Variants in PEPD observed in about 807,000 individuals in gnomAD.
PEPD encodes the protein peptidase D.
PEPD carries 53 observed loss-of-function variants against 60.7 expected under a neutral mutation model. That is an observed-to-expected ratio of 0.87 (90% confidence interval 0.70 to 1.10). The LOEUF (loss-of-function observed/expected upper bound fraction) is 1.10. Ranked by LOEUF, PEPD falls within the 50% of genes least tolerant of loss-of-function variation. The pLI, the probability that PEPD is intolerant of heterozygous loss-of-function variation, is 0.00. For synonymous variants in PEPD, 267 were observed against 284.1 expected (o/e 0.94, Z 0.60); for missense variants, 711 against 711.9 (o/e 1.00, Z 0.01).
intron 10 of PEPD, among the ~76,000 whole-genome samples, chr19:33,413,308 C>T (rs1015189431): frequency 6.6e-5 from 10 of 152,350 alleles, no homozygotes; most frequent in Admixed American, 3.9e-4. Flanking sequence ...CAGCTGGGGA[C>T]AGGAGGGAGG....
chr19:33,514,188 C>A (rs541064409), intron 1 of PEPD, among the ~76,000 whole-genome samples: 14 of 152,192 alleles, frequency 9.2e-5, no homozygotes, highest in African/African-American at 3.1e-4. Context: ...GGAGCCCCTG[C>A]GGCTCTCCAG....
At chr19:33,488,351 T>C (rs533808846) in intron 6 of PEPD, among the ~76,000 whole-genome samples, 7 of 152,146 alleles carry the variant, frequency 4.6e-5, no homozygotes, top group Admixed American at 1.3e-4. Flanking sequence ...AGGTTACACG[T>C]GGAGGAGCTG....
At chr19:33,496,796 A>C (rs549140831) in intron 4 of PEPD, among the ~76,000 whole-genome samples, 1 of 152,376 alleles carries the variant, frequency 6.6e-6, no homozygotes, top group South Asian at 2.1e-4. Context: ...AGAATTCATC[A>C]GAGCCCTGTG....
At chr19:33,467,831 T>C (rs1250408153) in intron 7 of PEPD, among the ~76,000 whole-genome samples, 1 of 152,160 alleles carries the variant, frequency 6.6e-6, no homozygotes, top group Non-Finnish European at 1.5e-5. Flanking sequence ...TTAAAAACCT[T>C]AATGAGGTGC....
chr19:33,505,347 C>G (rs1207180903), intron 3 of PEPD, among the ~76,000 whole-genome samples: 2 of 152,124 alleles, frequency 1.3e-5, no homozygotes, highest in Non-Finnish European at 2.9e-5. Context: ...GACCTCGCCA[C>G]AGTGACGCAG....
At chr19:33,485,234 C>G in intron 6 of PEPD, among the ~76,000 whole-genome samples, 1 of 151,884 alleles carries the variant, frequency 6.6e-6, no homozygotes, top group East Asian at 1.9e-4. Context: ...TGACTCACAC[C>G]TGTAATCCCA....
intron 1 of PEPD, among the ~76,000 whole-genome samples, chr19:33,519,532 A>C (rs1483140620): frequency 1.3e-5 from 2 of 152,126 alleles, no homozygotes; most frequent in Non-Finnish European, 2.9e-5. Context: ...CTAGGAGCTG[A>C]GCTTTGCGGG....
intron 7 of PEPD, among the ~76,000 whole-genome samples, chr19:33,472,054 G>A (rs1169817240): frequency 5.9e-5 from 9 of 152,016 alleles, no homozygotes; most frequent in Admixed American, 2.0e-4. Flanking sequence ...CCAGCTACTC[G>A]GGAGGCTGAG....
intron 9 of PEPD, among the ~76,000 whole-genome samples, chr19:33,443,980 G>GCA (rs3217241): frequency 0.015 from 2,304 of 152,002 alleles, 62 homozygotes; most frequent in African/African-American, 0.05. Context: ...GCGTGCGCGC[G>GCA]CACACACACA....
intron 9 of PEPD, among the ~76,000 whole-genome samples, chr19:33,429,997 G>A (rs139811508): frequency 1.5e-3 from 230 of 152,344 alleles, no homozygotes; most frequent in Non-Finnish European, 2.5e-3. Context: ...TGGGCACACC[G>A]GCACTCATGG....
At chr19:33,482,013 A>G (rs1970320618) in intron 6 of PEPD, among the ~76,000 whole-genome samples, 1 of 151,716 alleles carries the variant, frequency 6.6e-6, no homozygotes. Context: ...GAGAGACTCC[A>G]TCTCAAAACA....
intron 13 of PEPD, among the ~76,000 whole-genome samples, chr19:33,390,763 TGAG>T (rs1462628133): frequency 2.6e-5 from 4 of 152,118 alleles, no homozygotes; most frequent in South Asian, 2.1e-4. Context: ...TGCCTGGGGA[TGAG>T]GAGGCTGCAG....
rs370051630 is a variant in PEPD, at chr19:33,402,834, GGACA to G, written c.819-969_819-966del. 1.0e-3 allele frequency among the ~76,000 whole-genome samples: 155 copies of G among 152,298 alleles called. 2 individuals are homozygous for G. The highest frequency in any genetic ancestry group is 9.5e-3 in the South Asian group (46 of 4,818). ...AGGATGGCATGGGACAGATGGCGTG[GGACA>G]GACAGTGTGGGACAGATGACAGGAG... On this transcript the variant is annotated intron_variant, in intron 11 of 14. Transcript: ENST00000244137.
In PEPD at chr19:33,505,568, C is replaced by G. The variant is rs576912964; in HGVS notation, c.330-4567G>C. 7.2e-5 allele frequency among the ~76,000 whole-genome samples: 11 copies of G among 152,110 alleles called. No homozygotes were observed. The East Asian group carries it at 2.1e-3, about 29-fold the overall frequency. On this transcript the variant is annotated intron_variant, in intron 3 of 14. Transcript: ENST00000244137. ...AGGGCCCCCGACACCCTGCCAATCA[C>G]AAGGAGCGTGGGAGGGAGGCACCAG...
At chr19:33,439,690 G>T (rs1969448195) in intron 9 of PEPD, among the ~76,000 whole-genome samples, 1 of 152,184 alleles carries the variant, frequency 6.6e-6, no homozygotes, top group African/African-American at 2.4e-5. Flanking sequence ...AGTGTCTGTG[G>T]GTCACACAGC....
At chr19:33,425,135 C>T (rs1417908790) in intron 9 of PEPD, among the ~76,000 whole-genome samples, 1 of 151,912 alleles carries the variant, frequency 6.6e-6, no homozygotes, top group Admixed American at 6.6e-5. Flanking sequence ...TTTGGGAGGC[C>T]GAGGCGGGTG....
chr19:33,413,227 C>T (rs1305193348), intron 10 of PEPD, among the ~76,000 whole-genome samples: 1 of 152,232 alleles, frequency 6.6e-6, no homozygotes, highest in African/African-American at 2.4e-5. Context: ...GAGCTCACAG[C>T]CCGGTCCCCA....
rs1969239455 is a variant in PEPD, at chr19:33,430,192, T to C, written c.672-16549A>G. 2.6e-5 allele frequency among the ~76,000 whole-genome samples: 4 copies of C among 152,320 alleles called. No individual in the cohort carries two copies. In the South Asian group the frequency reaches 8.3e-4, roughly 32 times the overall value. On this transcript the variant is annotated intron_variant, in intron 9 of 14. Transcript: ENST00000244137. ...TCCCCGGGAAGGACATGGTATCTGC[T>C]CACCAGACACTAACCCAGCCCCAGC...
Position 33,405,117 on chromosome 19 carries a change from C to T in PEPD, c.819-3248G>A, listed in dbSNP as rs535729188. On this transcript the variant is annotated intron_variant, in intron 11 of 14. Transcript: ENST00000244137. ...ACAGGATGCATCTCCAAACAACGTG[C>T]TGGCGTCTCACTCCCCACATGTGTT... Among the ~76,000 whole-genome samples the T allele has an allele frequency of 5.3e-5, 8 of 152,360 alleles. No homozygotes were observed. The East Asian group carries it at 1.2e-3, about 22-fold the overall frequency.
Sources: allele counts gnomAD v4.1 joint callset (sites outside exome capture counted in the v4.1 genomes callset), GRCh38; gene constraint gnomAD v4.1.1; transcripts MANE v1.5; gene names NCBI Gene and HGNC (gene_info 2026-07-23, HGNC 2026-07-21).